CACNA2D3: variants seen among roughly 807,000 people sequenced by gnomAD.
The protein encoded by CACNA2D3 is voltage-dependent calcium channel subunit alpha-2/delta-3.
In CACNA2D3, 60 loss-of-function variants were observed where a neutral mutation model predicts 160.6. The ratio of observed to expected loss-of-function variants is 0.37; its 90% CI spans 0.30 to 0.46. The LOEUF is 0.46. CACNA2D3 is among the 20% of genes least tolerant of loss of function. The pLI is 1.00. For synonymous variants in CACNA2D3, 558 were observed against 492.9 expected, an observed-to-expected ratio of 1.13 and a Z score of -1.75; for missense variants, 1,205 against 1,365.0, an observed-to-expected ratio of 0.88 and a Z score of 1.85.
At chr3:54,654,778 G>A (rs1699845916) in intron 11 of CACNA2D3, among the ~76,000 whole-genome samples, 1 of 152,156 alleles carries the variant, frequency 6.6e-6, no homozygotes, top group South Asian at 2.1e-4. Flanking sequence ...ATGCTGGCGA[G>A]CTACCACCTA....
intron 35 of CACNA2D3, among the ~76,000 whole-genome samples, chr3:55,051,059 G>A (rs565862249): frequency 8.5e-4 from 126 of 148,296 alleles, no homozygotes; most frequent in African/African-American, 2.8e-3. Flanking sequence ...ATGTCCTCCC[G>A]TAGCTCAGAG....
intron 2 of CACNA2D3, among the ~76,000 whole-genome samples, chr3:54,201,129 C>T (rs1328106279): frequency 6.6e-6 from 1 of 152,144 alleles, no homozygotes; most frequent in Non-Finnish European, 1.5e-5. Flanking sequence ...AATGTGAAAT[C>T]TTTCATAATT....
At chr3:54,264,130 TCATAATTAA>T (rs1702457459) in intron 2 of CACNA2D3, among the ~76,000 whole-genome samples, 1 of 152,250 alleles carries the variant, frequency 6.6e-6, no homozygotes, top group Non-Finnish European at 1.5e-5. Flanking sequence ...TCCAGCCCAA[TCATAATTAA>T]CATAATCGGC....
chr3:54,570,252 A>G (rs959737298), intron 8 of CACNA2D3, 148 bp downstream of exon 8: 2 of 871,194 alleles, frequency 2.3e-6, no homozygotes, highest in Admixed American at 2.3e-5. Flanking sequence ...TGACAGAGTC[A>G]TGGACAGTGG....
chr3:54,241,513 GAC>G (rs369130558), intron 2 of CACNA2D3, among the ~76,000 whole-genome samples: 231 of 152,340 alleles, frequency 1.5e-3, no homozygotes, highest in Middle Eastern at 3.4e-3. Flanking sequence ...TTGAGATGAA[GAC>G]ACAGCCTCGG....
chr3:54,838,775 C>A (rs1698750577), intron 16 of CACNA2D3, 127 bp downstream of exon 16: 1 of 728,776 alleles, frequency 1.4e-6, no homozygotes. Flanking sequence ...AGCCTGTTAG[C>A]TTGTCTTTAT....
chr3:54,725,869 C>G (rs1477983057), intron 11 of CACNA2D3, among the ~76,000 whole-genome samples: 1 of 152,148 alleles, frequency 6.6e-6, no homozygotes, highest in Non-Finnish European at 1.5e-5. Context: ...AGGGTGCCTT[C>G]TCTCACCACT....
intron 9 of CACNA2D3, among the ~76,000 whole-genome samples, chr3:54,598,991 T>C (rs1703013322): frequency 6.6e-6 from 1 of 152,174 alleles, no homozygotes; most frequent in African/African-American, 2.4e-5. Context: ...ATGTTATTTT[T>C]ATGGCAGGTG....
At chr3:54,655,929 C>T (rs982818930) in intron 11 of CACNA2D3, among the ~76,000 whole-genome samples, 12 of 152,168 alleles carry the variant, frequency 7.9e-5, no homozygotes, top group Non-Finnish European at 1.2e-4. Flanking sequence ...TGACTTCAGG[C>T]AAGTGATTTC....
At chr3:54,763,880 T>TGTACATATATATACGTATATATATAC (rs1559574002) in intron 12 of CACNA2D3, among the ~76,000 whole-genome samples, 1 of 18,488 alleles carries the variant, frequency 5.4e-5, no homozygotes, top group African/African-American at 2.2e-4. Flanking sequence ...CGTATATATA[T>TGTACATATATATACGTATATATATAC]GTATATATAT....
At chr3:54,387,288 G>C (rs1023182606) in intron 4 of CACNA2D3, among the ~76,000 whole-genome samples, 1 of 152,198 alleles carries the variant, frequency 6.6e-6, no homozygotes, top group Non-Finnish European at 1.5e-5. Context: ...GACTATGTCT[G>C]ATAGAGAAGG....
At chr3:54,183,720 A>G (rs1304166063) in intron 2 of CACNA2D3, among the ~76,000 whole-genome samples, 2 of 151,720 alleles carry the variant, frequency 1.3e-5, no homozygotes, top group African/African-American at 2.4e-5. Context: ...CCCCGTCTCT[A>G]CTAAAAATAC....
At chr3:54,297,818 C>A (rs1256526169) in intron 2 of CACNA2D3, among the ~76,000 whole-genome samples, 1 of 152,086 alleles carries the variant, frequency 6.6e-6, no homozygotes, top group Non-Finnish European at 1.5e-5. Flanking sequence ...TCTCCCCTTA[C>A]CCCCATTTCT....
At chr3:54,907,325 A>G (rs1010266930) in intron 27 of CACNA2D3, among the ~76,000 whole-genome samples, 1 of 152,116 alleles carries the variant, frequency 6.6e-6, no homozygotes, top group African/African-American at 2.4e-5. Flanking sequence ...CAGAGGTTGG[A>G]TCTCTAACAG....
At chr3:54,458,085 A>G (rs1700432081) in intron 4 of CACNA2D3, among the ~76,000 whole-genome samples, 1 of 152,062 alleles carries the variant, frequency 6.6e-6, no homozygotes, top group African/African-American at 2.4e-5. Flanking sequence ...ATTTAAGGTT[A>G]TTATTTGTAG....
intron 6 of CACNA2D3, among the ~76,000 whole-genome samples, chr3:54,563,820 C>T (rs1163738416): frequency 6.6e-6 from 1 of 152,158 alleles, no homozygotes; most frequent in Non-Finnish European, 1.5e-5. Context: ...GAGGCACAGA[C>T]TGCCGGCCTC....
At chr3:54,957,354 G>T (rs1400366288) in intron 27 of CACNA2D3, among the ~76,000 whole-genome samples, 2 of 151,936 alleles carry the variant, frequency 1.3e-5, no homozygotes, top group African/African-American at 2.4e-5. Context: ...TCACTCTGTT[G>T]CTCAGGCTGG....
rs538325419 is a variant in CACNA2D3 at position 54,679,437 on chromosome 3, G to T, written c.1167+37196G>T. Among the ~76,000 whole-genome samples the T allele has an allele frequency of 2.0e-5, 3 of 152,310 alleles. No homozygotes were observed. In the South Asian group the frequency reaches 6.2e-4, roughly 32 times the overall value. On this transcript the variant is annotated intron_variant, in intron 11 of 37. Coordinates refer to ENST00000474759, the MANE Select transcript of CACNA2D3 (RefSeq NM_018398.3). The stretch of plus-strand genomic sequence containing the variant: ...CAGGGCCTACTGAGGCAGCGACTGA[G>T]CACTCCATATCCTCTCTGTGTGCAT...
At chr3:54,314,854 C>T (rs1469237114) in intron 2 of CACNA2D3, among the ~76,000 whole-genome samples, 2 of 152,214 alleles carry the variant, frequency 1.3e-5, no homozygotes, top group African/African-American at 2.4e-5. Flanking sequence ...GATGCAAAGC[C>T]AGCCTGGCTC....
Sources: gnomAD v4.1 joint callset for allele counts (sites outside exome capture counted in the v4.1 genomes callset) on GRCh38, gnomAD v4.1.1 for gene constraint, MANE v1.5 for transcripts, NCBI Gene and HGNC (gene_info 2026-07-23, HGNC 2026-07-21) for gene names.